PRDM2: variants seen among roughly 807,000 people sequenced by gnomAD.
PRDM2 encodes PR domain zinc finger protein 2.
Under a neutral mutation model 130.0 loss-of-function variants are expected in PRDM2, and 30 were observed. The observed-to-expected ratio is 0.23, with a 90% confidence interval of 0.17 to 0.31. The LOEUF is 0.31. Ranked by LOEUF, PRDM2 falls within the 10% of genes least tolerant of loss-of-function variation. The probability of loss-of-function intolerance (pLI) is 1.00; values close to 1 mark genes in which losing one functional copy is unlikely to be tolerated. For synonymous variants in PRDM2, 871 were observed against 782.4 expected (o/e 1.11, Z -1.89); for missense variants, 2,011 against 2,108.4 (o/e 0.95, Z 0.90).
chr1:13,769,653 A>G (rs1644313880), intron 6 of PRDM2, among the ~76,000 whole-genome samples: 2 of 152,214 alleles, frequency 1.3e-5, no homozygotes, highest in Non-Finnish European at 2.9e-5. Flanking sequence ...CCATGGATGA[A>G]TGATATAGAC....
At chr1:13,786,326 T>C (rs1644738860) in intron 8 of PRDM2, among the ~76,000 whole-genome samples, 1 of 152,148 alleles carries the variant, frequency 6.6e-6, no homozygotes, top group Admixed American at 6.5e-5. Flanking sequence ...CCCTTGGAAA[T>C]AAATGCGTGT....
intron 4 of PRDM2, among the ~76,000 whole-genome samples, chr1:13,737,461 G>T (rs1269601136): frequency 6.6e-6 from 1 of 152,176 alleles, no homozygotes; most frequent in African/African-American, 2.4e-5. Context: ...AAATATTTGT[G>T]TGTGGCCCTT....
intron 8 of PRDM2, among the ~76,000 whole-genome samples, chr1:13,790,368 G>A (rs1412904933): frequency 6.6e-6 from 1 of 152,156 alleles, no homozygotes; most frequent in East Asian, 1.9e-4. Flanking sequence ...CGTGCATCTG[G>A]CGTTGGGGCA....
intron 4 of PRDM2, among the ~76,000 whole-genome samples, chr1:13,737,130 C>A (rs1334997768): frequency 3.3e-5 from 5 of 152,296 alleles, no homozygotes; most frequent in African/African-American, 1.2e-4. Context: ...TCTGCAGAAC[C>A]TTTTCTCAGA....
rs181696782 is a variant in PRDM2, at chr1:13,799,197, A to T, written c.5036+16366A>T. 1.0e-3 allele frequency among the ~76,000 whole-genome samples: 158 copies of T among 152,284 alleles called. 1 individual carries two copies. The highest frequency in any genetic ancestry group is 3.4e-3 in the African/African-American group (142 of 41,560). Reference sequence around the variant, plus strand: ...GGTGGCTCACGCCTGTAATCCTAGCACTTTGGGAGGCCAAGGCAGGTGGAT... The same window carrying T: ...GGTGGCTCACGCCTGTAATCCTAGCTCTTTGGGAGGCCAAGGCAGGTGGAT... On this transcript the variant is annotated intron_variant, in intron 8 of 9. Transcript: ENST00000311066.
intron 2 of PRDM2, among the ~76,000 whole-genome samples, chr1:13,719,984 ATTG>A (rs1317873004): frequency 6.6e-6 from 1 of 152,150 alleles, no homozygotes; most frequent in Non-Finnish European, 1.5e-5. Flanking sequence ...TATACTATGA[ATTG>A]TTCTTAATAT....
At chr1:13,812,135 T>C (rs1278402001) in intron 8 of PRDM2, among the ~76,000 whole-genome samples, 1 of 151,754 alleles carries the variant, frequency 6.6e-6, no homozygotes, top group East Asian at 1.9e-4. Context: ...TGTTGCTTAG[T>C]GGAGAATGGA....
chr1:13,792,444 GT>G lies in PRDM2; in HGVS notation c.5036+9615del, dbSNP rs1188490622. Among the ~76,000 whole-genome samples the G allele has an allele frequency of 2.6e-5, 4 of 152,294 alleles. No homozygotes were observed. The East Asian group carries it at 5.8e-4, about 22-fold the overall frequency. Reference sequence around the variant, plus strand: ...CTTTAATTTTTTTTATTGGAATGAAGTTATTTAAAACTCATGGATTCAATTT... The same window carrying G: ...CTTTAATTTTTTTTATTGGAATGAAGTATTTAAAACTCATGGATTCAATTT... On this transcript the variant is annotated intron_variant, in intron 8 of 9. Coordinates refer to ENST00000311066, the MANE Select transcript of PRDM2 (RefSeq NM_001393986.1).
chr1:13,746,707 C>G (rs992566142), intron 5 of PRDM2, among the ~76,000 whole-genome samples: 1 of 152,128 alleles, frequency 6.6e-6, no homozygotes, highest in Admixed American at 6.5e-5. Flanking sequence ...CAGGCACACA[C>G]CACCATGCCT....
In PRDM2 at chr1:13,782,397, C is replaced by A. The variant is rs746435589; in HGVS notation, c.4602C>A (p.Thr1534=). The A allele has an allele frequency of 2.5e-6, 4 of 1,613,950 alleles. No homozygotes were observed. The highest frequency in any genetic ancestry group is 3.4e-6 in the Non-Finnish European group (4 of 1,180,006). ...GCATGCAGACTCCGTTGGGCAAGAC[C>A]AGAGCCCGCAGCTCAGGCCCCACCC... The part of the protein sequence containing the change: ...MQSMQTPLGK[T]RARSSGPTQV... The change falls in exon 8 of 10, where the codon ACC becomes ACA. Residue 1534 remains threonine (T), a synonymous_variant. Coordinates refer to ENST00000311066, the MANE Select transcript of PRDM2 (RefSeq NM_001393986.1).
chr1:13,733,951 T>G (rs1286234921), intron 4 of PRDM2, among the ~76,000 whole-genome samples: 1 of 152,246 alleles, frequency 6.6e-6, no homozygotes, highest in Non-Finnish European at 1.5e-5. Flanking sequence ...TGTGGACACT[T>G]TTCATCAAGA....
chr1:13,750,086 G>T (rs1291841252), intron 6 of PRDM2, among the ~76,000 whole-genome samples: 2 of 151,740 alleles, frequency 1.3e-5, no homozygotes, highest in African/African-American at 4.8e-5. Flanking sequence ...GGAAGTTAGA[G>T]AGCGTGTTGT....
chr1:13,761,197 T>C (rs1318656107), intron 6 of PRDM2, among the ~76,000 whole-genome samples: 1 of 152,264 alleles, frequency 6.6e-6, no homozygotes, highest in African/African-American at 2.4e-5. Flanking sequence ...GTCTTACCTT[T>C]ATGTGGTCCA....
At chr1:13,786,543 A>C (rs1433912593) in intron 8 of PRDM2, 15 of 1,609,422 alleles carry the variant, frequency 9.3e-6, no homozygotes, top group Non-Finnish European at 1.2e-5. Context: ...CCCCCAAAAC[A>C]AAACAAACCT....
chr1:13,766,327 A>G (rs1460990474), intron 6 of PRDM2, among the ~76,000 whole-genome samples: 1 of 152,224 alleles, frequency 6.6e-6, no homozygotes, highest in Non-Finnish European at 1.5e-5. Context: ...GAGATTCTAG[A>G]TAGTAGTGTC....
rs777092042 is a variant in PRDM2 at position 13,778,476 on chromosome 1, CCAGGAGGTGGCCAGT to C, written c.691_705del (p.Ala231_Val235del). 2 of 1,614,038 alleles carry C rather than the reference CCAGGAGGTGGCCAGT, an allele frequency of 1.2e-6. No individual in the cohort carries two copies. Among genetic ancestry groups the C allele is most frequent in the African/African-American group, 1.3e-5 (1 of 74,918 alleles). ...CAGCACTTGAGCAGCCGGCCACCCT[CCAGGAGGTGGCCAGT>C]CAGGAGGTGCCTCCAGAACTAGCAA... is the stretch of plus-strand genomic sequence containing the variant. On this transcript the variant is annotated inframe_deletion, in exon 8 of 10. Coordinates refer to ENST00000311066, the MANE Select transcript of PRDM2 (RefSeq NM_001393986.1).
At position 13,780,353 on chromosome 1, in the gene PRDM2, A is replaced by G. The variant is rs773680202; in HGVS notation, c.2558A>G (p.His853Arg). The change falls in exon 8 of 10, where the codon CAT becomes CGT. Residue 853 changes from histidine (H) to arginine (R), a missense_variant. His to Arg is a conservative substitution (Grantham distance 29). Transcript: ENST00000311066. ...GAATCTGTCTTAGATCTCAGTGTGC[A>G]TAAAAAGCATTGTAGTGACTCTGAA... ...QWESVLDLSV[H>R]KKHCSDSEGK... 1.9e-5 allele frequency: 31 copies of G among 1,614,124 alleles called. No homozygotes were observed. Among genetic ancestry groups the G allele is most frequent in the South Asian group, 5.5e-5 (5 of 91,088 alleles).
intron 5 of PRDM2, among the ~76,000 whole-genome samples, chr1:13,746,261 G>A (rs1204093137): frequency 6.6e-6 from 1 of 151,546 alleles, no homozygotes; most frequent in Non-Finnish European, 1.5e-5. Context: ...TTTTTTTAAT[G>A]TGGATTTATA....
rs1402906056 is a variant in PRDM2 at position 13,808,835 on chromosome 1, C to A, written c.5037-7592C>A. Among the ~76,000 whole-genome samples the A allele has an allele frequency of 3.9e-5, 6 of 152,222 alleles. 1 individual carries two copies. Among genetic ancestry groups the A allele is most frequent in the Non-Finnish European group, 2.9e-5 (2 of 68,042 alleles). ...TGCCTTTATCAGACAGTCGCAGATG[C>A]ATGAGAAACTGCCCGTGTGGGGGCC... On this transcript the variant is annotated intron_variant, in intron 8 of 9. Transcript: ENST00000311066.
Sources: gnomAD v4.1 joint callset for allele counts (sites outside exome capture counted in the v4.1 genomes callset) on GRCh38, gnomAD v4.1.1 for gene constraint, MANE v1.5 for transcripts, NCBI Gene and HGNC (gene_info 2026-07-23, HGNC 2026-07-21) for gene names.